Variants in PITPNM2 observed in about 807,000 individuals in gnomAD.
PITPNM2 encodes the protein membrane-associated phosphatidylinositol transfer protein 2.
In PITPNM2, 35 loss-of-function variants were observed where a neutral mutation model predicts 132.2. The observed-to-expected ratio is 0.26, with a 90% CI of 0.20 to 0.35. PITPNM2 has a LOEUF of 0.35. Ranked by LOEUF, PITPNM2 falls within the 10% of genes least tolerant of loss-of-function variation. The probability of loss-of-function intolerance (pLI) is 1.00; values close to 1 mark genes in which losing one functional copy is unlikely to be tolerated. For synonymous variants in PITPNM2, 738 were observed against 799.2 expected (o/e 0.92, Z 1.29); for missense variants, 1,332 against 1,912.0 (o/e 0.70, Z 5.66).
chr12:123,127,665 A>G (rs2043170443), intron 1 of PITPNM2, among the ~76,000 whole-genome samples: 1 of 143,902 alleles, frequency 6.9e-6, no homozygotes, highest in Admixed American at 7.2e-5. Context: ...GCTGGAGTGC[A>G]GTGGCGTGAT....
chr12:123,077,044 T>G lies in PITPNM2; in HGVS notation c.-96+33341A>C, dbSNP rs2041812262. Among the ~76,000 whole-genome samples the G allele has an allele frequency of 6.6e-6, 1 of 152,106 alleles. No homozygotes were observed. The highest frequency in any genetic ancestry group is 1.5e-5 in the Non-Finnish European group (1 of 68,004). On this transcript the variant is annotated intron_variant, in intron 2 of 25. Coordinates refer to ENST00000320201, the MANE Select transcript of PITPNM2 (RefSeq NM_020845.3). The surrounding 1 kb of genome is among the most constrained non-coding windows in gnomAD (Gnocchi z 4.8). The stretch of plus-strand genomic sequence containing the variant: ...ACAGATTCCCTCTGGGAAAGCCACT[T>G]AAGAGTCATTCTGAATGCATCTACT...
chr12:123,065,197 C>G lies in PITPNM2; in HGVS notation c.-95-30512G>C, dbSNP rs565410545. Among the ~76,000 whole-genome samples the G allele has an allele frequency of 2.6e-5, 4 of 152,324 alleles. No individual in the cohort carries two copies. The East Asian group carries it at 7.7e-4, about 29-fold the overall frequency. The stretch of plus-strand genomic sequence containing the variant: ...TGTGAGGTCAAGCTCAAGGGGCCAC[C>G]CAGAAGGCTTTCCGAGAGCATCCAA... On this transcript the variant is annotated intron_variant, in intron 2 of 25. Coordinates refer to ENST00000320201, the MANE Select transcript of PITPNM2 (RefSeq NM_020845.3).
chr12:123,059,595 A>G (rs1293661425), intron 2 of PITPNM2, among the ~76,000 whole-genome samples: 2 of 152,216 alleles, frequency 1.3e-5, no homozygotes, highest in African/African-American at 4.8e-5. Flanking sequence ...TCTCTTGGAC[A>G]GTGGGAAGCT....
chr12:123,124,582 T>C (rs1230070290), intron 1 of PITPNM2, among the ~76,000 whole-genome samples: 1 of 152,200 alleles, frequency 6.6e-6, no homozygotes, highest in African/African-American at 2.4e-5. Flanking sequence ...TTTTTATTAT[T>C]ATTATTATAC....
At chr12:123,085,707 A>G (rs181757915) in intron 2 of PITPNM2, among the ~76,000 whole-genome samples, 41 of 152,354 alleles carry the variant, frequency 2.7e-4, no homozygotes, top group Non-Finnish European at 5.1e-4. Context: ...ATACAAGGAG[A>G]AAAAAGCCCA....
chr12:123,021,227 TG>T (rs1292456000), intron 3 of PITPNM2, among the ~76,000 whole-genome samples: 1 of 152,090 alleles, frequency 6.6e-6, no homozygotes, highest in African/African-American at 2.4e-5. Context: ...GTGCTCAAAC[TG>T]GGTAGAGGCC....
At chr12:123,134,395 T>C (rs1727317) in intron 1 of PITPNM2, among the ~76,000 whole-genome samples, 126,987 of 152,136 alleles carry the variant, frequency 0.83, 53,309 homozygotes, top group East Asian at 0.97. Flanking sequence ...ACCCAGGACA[T>C]TGGTGATGTG....
At chr12:123,063,376 C>T (rs771659951) in intron 2 of PITPNM2, among the ~76,000 whole-genome samples, 2 of 152,258 alleles carry the variant, frequency 1.3e-5, no homozygotes, top group Non-Finnish European at 2.9e-5. Flanking sequence ...CCTGCAAAGT[C>T]TGAGTGAAAC....
intron 2 of PITPNM2, among the ~76,000 whole-genome samples, chr12:123,035,689 T>G: frequency 6.7e-6 from 1 of 150,000 alleles, no homozygotes; most frequent in African/African-American, 2.4e-5. Flanking sequence ...AAAAACTTGG[T>G]GCTTGGAAGA....
intron 1 of PITPNM2, among the ~76,000 whole-genome samples, chr12:123,114,673 AC>A (rs990900239): frequency 2.6e-5 from 4 of 152,020 alleles, no homozygotes; most frequent in Non-Finnish European, 4.4e-5. Context: ...ATGAGGCCTC[AC>A]TCAAGCAAGC....
rs1459082029 is a variant in PITPNM2, at chr12:122,987,283, C to T, written c.3411G>A (p.Val1137=). 3.1e-6 allele frequency: 5 copies of T among 1,611,360 alleles called. No homozygotes were observed. Among genetic ancestry groups the T allele is most frequent in the African/African-American group, 2.7e-5 (2 of 74,878 alleles). The change falls in exon 23 of 26, where the codon GTG becomes GTA. Residue 1137 remains valine (V), a splice_region_variant and synonymous_variant. Transcript: ENST00000320201. Reference sequence around the variant, plus strand: ...TTGTGCCCCTCTGGGCCACTCACCGCACCACGTCCACGGCCCCGGCCCGCA... The same window carrying T: ...TTGTGCCCCTCTGGGCCACTCACCGTACCACGTCCACGGCCCCGGCCCGCA... ...PKVRAGAVDV[V]RHWQDLGYLI...
intron 8 of PITPNM2, among the ~76,000 whole-genome samples, chr12:123,003,402 G>C (rs1466737001): frequency 6.6e-6 from 1 of 152,160 alleles, no homozygotes; most frequent in Non-Finnish European, 1.5e-5. Flanking sequence ...CCTCTCATCA[G>C]GGTCAGAGAG....
chr12:123,123,047 G>A (rs2043062426), intron 1 of PITPNM2, among the ~76,000 whole-genome samples: 1 of 152,210 alleles, frequency 6.6e-6, no homozygotes, highest in Non-Finnish European at 1.5e-5. Flanking sequence ...CTACAGACAT[G>A]AGAGTATATT....
intron 2 of PITPNM2, among the ~76,000 whole-genome samples, chr12:123,037,669 C>G (rs1222593722): frequency 6.6e-6 from 1 of 152,198 alleles, no homozygotes; most frequent in Non-Finnish European, 1.5e-5. Flanking sequence ...CCCTGCTCAT[C>G]CCCATGCAAA....
chr12:122,988,665 G>A, intron 19 of PITPNM2, 59 bp downstream of exon 19: 2 of 1,485,724 alleles, frequency 1.3e-6, no homozygotes, highest in Non-Finnish European at 1.8e-6. Context: ...TGTGAAATGT[G>A]GCCCTGTCAT....
Position 123,001,172 on chromosome 12 carries a change from A to T in PITPNM2, c.1049-14T>A. Reference sequence around the variant, plus strand: ...CGGACAGGTCCTCTGGAGAGGAGAGAGGGAAACTCAGGTGGGACTGGGAAC... The same window carrying T: ...CGGACAGGTCCTCTGGAGAGGAGAGTGGGAAACTCAGGTGGGACTGGGAAC... On this transcript the variant is annotated splice_polypyrimidine_tract_variant and intron_variant, in intron 8 of 25. Coordinates refer to ENST00000320201, the MANE Select transcript of PITPNM2 (RefSeq NM_020845.3). 4.4e-6 allele frequency: 7 copies of T among 1,604,780 alleles called. No individual in the cohort carries two copies. The highest frequency in any genetic ancestry group is 6.0e-6 in the Non-Finnish European group (7 of 1,171,568).
At position 123,115,202 on chromosome 12, in the gene PITPNM2, G is replaced by A. The variant is rs527503815; in HGVS notation, c.-199-4714C>T. ...ATGCCTTGGGCAGGCTGGCTGGCTG[G>A]ATTTCTTATTTTATGACCCTACTCC... On this transcript the variant is annotated intron_variant, in intron 1 of 25. Coordinates refer to ENST00000320201, the MANE Select transcript of PITPNM2 (RefSeq NM_020845.3). 3.3e-5 allele frequency among the ~76,000 whole-genome samples: 5 copies of A among 152,272 alleles called. No homozygotes were observed. In the South Asian group the frequency reaches 1.0e-3, roughly 32 times the overall value.
rs1463877 is a variant in PITPNM2 at position 122,988,707 on chromosome 12, T to C, written c.2880+17A>G. The C allele has an allele frequency of 0.78, 1,216,049 of 1,549,170 alleles. 478,175 individuals carry two copies. The highest frequency in any genetic ancestry group is 0.87 in the East Asian group (35,844 of 41,276). ...TGTCACTCAGGGCCCTCCTGGGAGG[T>C]CCCAGGCCCCGGGTACCTGTCTCAG... On this transcript the variant is annotated intron_variant, in intron 19 of 25. Coordinates refer to ENST00000320201, the MANE Select transcript of PITPNM2 (RefSeq NM_020845.3).
chr12:122,987,411 C>A lies in PITPNM2; in HGVS notation c.3283G>T (p.Asp1095Tyr), dbSNP rs769401799. The change falls in exon 23 of 26, where the codon GAC becomes TAC. Residue 1095 changes from aspartate to tyrosine, a missense_variant. Asp to Tyr is a radical substitution (Grantham distance 160). Transcript: ENST00000320201. Reference protein sequence around the residue: ...MVVRGDHTFADSYITVLPKGT... With the variant: ...MVVRGDHTFAYSYITVLPKGT... ...TTGGGCAGCACGGTGATGTAGCTGT[C>A]GGCAAACGTGTGGTCTCCCCTGGCA... is the stretch of plus-strand genomic sequence containing the variant. 5.0e-6 allele frequency: 8 copies of A among 1,613,744 alleles called. No individual in the cohort carries two copies. Among genetic ancestry groups the A allele is most frequent in the Non-Finnish European group, 6.8e-6 (8 of 1,180,016 alleles).
Sources: allele counts gnomAD v4.1 joint callset (sites outside exome capture counted in the v4.1 genomes callset), GRCh38; gene constraint gnomAD v4.1.1; non-coding constraint Gnocchi (gnomAD v3.1); transcripts MANE v1.5; gene names NCBI Gene and HGNC (gene_info 2026-07-23, HGNC 2026-07-21).